PCYT2: variants seen among roughly 807,000 people sequenced by gnomAD.
PCYT2 encodes the protein phosphate cytidylyltransferase 2, ethanolamine.
In PCYT2, 33 loss-of-function variants were observed where a neutral mutation model predicts 50.0. That is an observed-to-expected ratio of 0.66 (90% CI 0.50 to 0.88). PCYT2 has a LOEUF of 0.88. Among genes scored for constraint, PCYT2 ranks in the 40% least tolerant of loss-of-function variants. The probability of loss-of-function intolerance (pLI) is 0.00; values close to 1 mark genes in which losing one functional copy is unlikely to be tolerated. For missense variants in PCYT2, 430 were observed against 519.7 expected, an observed-to-expected ratio of 0.83 and a Z score of 1.68; for synonymous variants, 240 against 203.7, an observed-to-expected ratio of 1.18 and a Z score of -1.52.
Position 81,907,575 on chromosome 17 carries a change from C to A in PCYT2, c.516G>T (p.Glu172Asp). The change falls in exon 6 of 13, where the codon GAG becomes GAT. Residue 172 changes from glutamate (E) to aspartate (D), a missense_variant. Glu to Asp is a conservative substitution (Grantham distance 45). This residue lies in a region of PCYT2 where 248 missense variants were observed against 300.2 expected (regional missense o/e 0.83). Coordinates refer to ENST00000538936, the MANE Select transcript of PCYT2 (RefSeq NM_002861.5). ...SSQEMSSEYR[E>D]YADSFGKCPG... is the part of the protein sequence containing the mutation. The stretch of plus-strand genomic sequence containing the variant: ...TCACCTTGCCAAAACTGTCTGCATA[C>A]TCCCGGTACTCAGAGGACATCTCCT... The A allele has an allele frequency of 6.2e-7, 1 of 1,611,726 alleles. No individual in the cohort carries two copies. The highest frequency in any genetic ancestry group is 8.5e-7 in the Non-Finnish European group (1 of 1,179,374).
At chr17:81,909,671 G>A (rs1314123643) in intron 1 of PCYT2, 69 bp from the exon 2 acceptor site, 9 of 1,233,376 alleles carry the variant, frequency 7.3e-6, no homozygotes, top group East Asian at 2.3e-5. Flanking sequence ...GTGGGTTAGG[G>A]GCAGAGCTTT....
chr17:81,909,240 C>T, intron 2 of PCYT2: 1 of 1,430,776 alleles, frequency 7.0e-7, no homozygotes, highest in Non-Finnish European at 9.1e-7. Flanking sequence ...GCAGAGATTC[C>T]TTCTGACGAG....
intron 8 of PCYT2, 116 bp from the exon 9 acceptor site, chr17:81,906,293 G>T (rs1000902835): frequency 8.9e-7 from 1 of 1,117,508 alleles, no homozygotes; most frequent in Non-Finnish European, 1.3e-6. Flanking sequence ...TTGTGGGGAT[G>T]CCCCAGACAG....
In PCYT2 at chr17:81,902,186, C is replaced by T; in HGVS notation, c.*2647G>A. On this transcript the variant is annotated 3_prime_UTR_variant, in exon 13 of 13. Transcript: ENST00000538936. ...CGCCGCCCCTCCCGGCCCTCCGCAG[C>T]CTCGGCCCGCCCTCGCCGCAGATAT... is the stretch of plus-strand genomic sequence containing the variant. 1.7e-6 allele frequency: 2 copies of T among 1,155,442 alleles called. No homozygotes were observed. The highest frequency in any genetic ancestry group is 2.2e-6 in the Non-Finnish European group (2 of 928,688). The allele number at this position is 1,155,442 out of a possible 1,614,324, so 71.6% of individuals were successfully genotyped here.
rs1331745770 is a variant in PCYT2 at position 81,911,310 on chromosome 17, C to T, written c.46G>A (p.Gly16Ser). 8.8e-7 allele frequency: 1 copy of T among 1,137,030 alleles called. No individual in the cohort carries two copies. Among genetic ancestry groups the T allele is most frequent in the Admixed American group, 3.5e-5 (1 of 28,776 alleles). 70.4% of individuals were successfully genotyped at this position (1,137,030 alleles called of 1,614,324 possible). A position where few individuals can be genotyped will look rare whatever the true frequency, so the allele number is the denominator to read the frequency against. Residue 16 changes from glycine to serine, a missense_variant, in exon 1 of 13, where the codon GGC (glycine) becomes AGC (serine). Coordinates refer to ENST00000538936, the MANE Select transcript of PCYT2 (RefSeq NM_002861.5). ...CTCACGGCGCGCCTGCCCCCCGGGCCCGGCTGCTCTGCGCCGCCTGCAGCC... is the reference window on the plus strand; with the variant it reads ...CTCACGGCGCGCCTGCCCCCCGGGCTCGGCTGCTCTGCGCCGCCTGCAGCC... ...RGAAGGAEQP[G>S]PGGRRAVRVW...
intron 2 of PCYT2, chr17:81,909,244 T>C (rs1444730722): frequency 7.0e-7 from 1 of 1,430,304 alleles, no homozygotes; most frequent in Non-Finnish European, 9.1e-7. Flanking sequence ...AGATTCCTTC[T>C]GACGAGCAGG....
chr17:81,910,442 G>A (rs1210008557), intron 1 of PCYT2, among the ~76,000 whole-genome samples: 2 of 152,202 alleles, frequency 1.3e-5, no homozygotes, highest in African/African-American at 2.4e-5. Context: ...GCGGAGCCCG[G>A]CAGACATGCT....
At chr17:81,908,465 C>G in intron 4 of PCYT2, 103 bp downstream of exon 4, 1 of 845,980 alleles carries the variant, frequency 1.2e-6, no homozygotes, top group Non-Finnish European at 1.9e-6. Context: ...GGCCCAGGGC[C>G]TGGACGCTCC....
rs1341861900 is a variant in PCYT2 at position 81,904,646 on chromosome 17, G to A, written c.*187C>T. 3.4e-6 allele frequency: 2 copies of A among 585,110 alleles called. No homozygotes were observed. Among genetic ancestry groups the A allele is most frequent in the Non-Finnish European group, 6.1e-6 (2 of 329,478 alleles). The allele number at this position is 585,110 out of a possible 1,614,324, so 36.2% of individuals were successfully genotyped here. A position where few individuals can be genotyped will look rare whatever the true frequency, so the allele number is the denominator to read the frequency against. Reference sequence around the variant, plus strand: ...CTGTGCTGGACACCCTCTCTGAGCAGCTTTGCTGGAAAGAGCGGAGAGCCT... The same window carrying A: ...CTGTGCTGGACACCCTCTCTGAGCAACTTTGCTGGAAAGAGCGGAGAGCCT... On this transcript the variant is annotated 3_prime_UTR_variant, in exon 13 of 13. Coordinates refer to ENST00000538936, the MANE Select transcript of PCYT2 (RefSeq NM_002861.5).
Position 81,904,587 on chromosome 17 carries a change from G to A in PCYT2, c.*246C>T, listed in dbSNP as rs1466224509. The A allele has an allele frequency of 8.0e-6, 4 of 498,132 alleles. No individual in the cohort carries two copies. Among genetic ancestry groups the A allele is most frequent in the Non-Finnish European group, 1.4e-5 (4 of 280,220 alleles). 30.9% of individuals were successfully genotyped at this position (498,132 alleles called of 1,614,324 possible). A position where few individuals can be genotyped will look rare whatever the true frequency, so the allele number is the denominator to read the frequency against. On this transcript the variant is annotated 3_prime_UTR_variant, in exon 13 of 13. Transcript: ENST00000538936. ...AGGAGCGGTGCGTTTCAGGCTGCAG[G>A]TGCCGTCTGCCCGTCTCACTTCCGG...
chr17:81,906,901 G>A lies in PCYT2; in HGVS notation c.538-3C>T. On this transcript the variant is annotated splice_polypyrimidine_tract_variant and splice_region_variant and intron_variant, in intron 6 of 12. Transcript: ENST00000538936. The stretch of plus-strand genomic sequence containing the variant: ...CAGGGGTTCCGCCCACCAGGGCACT[G>A]CAAGCCAAGAGAGGGAGCAGGTTGG... 1.2e-6 allele frequency: 2 copies of A among 1,612,296 alleles called. No individual in the cohort carries two copies. The highest frequency in any genetic ancestry group is 1.7e-6 in the Non-Finnish European group (2 of 1,179,502).
At chr17:81,910,695 G>T (rs1444298483) in intron 1 of PCYT2, among the ~76,000 whole-genome samples, 5 of 152,244 alleles carry the variant, frequency 3.3e-5, no homozygotes, top group African/African-American at 1.2e-4. Flanking sequence ...GATTCCATCC[G>T]GCAGGCACGT....
Position 81,909,581 on chromosome 17 carries a change from G to A in PCYT2, c.111C>T (p.Gly37=). Residue 37 remains glycine, a synonymous_variant, in exon 2 of 13, where the codon GGC becomes GGT. Transcript: ENST00000538936. ...CDGCYDMVHY[G]HSNQLRQARA... ...GTGCCTGGCGCAGCTGGTTGGAGTG[G>A]CCGTAATGCACCATGTCATAGCTGT... 1 of 1,613,658 alleles carries A rather than the reference G, an allele frequency of 6.2e-7. No homozygotes were observed. The highest frequency in any genetic ancestry group is 8.5e-7 in the Non-Finnish European group (1 of 1,179,692).
At position 81,908,991 on chromosome 17, in the gene PCYT2, C is replaced by T; in HGVS notation, c.225G>A (p.Glu75=). The change falls in exon 3 of 13, where the codon GAG becomes GAA. Residue 75 remains glutamate, a synonymous_variant. Transcript: ENST00000538936. Reference sequence around the variant, plus strand: ...TGATGGCCTGCACCATCTTGTATCTCTCCTCCTGAGTGAACACCGGGGGCC... The same window carrying T: ...TGATGGCCTGCACCATCTTGTATCTTTCCTCCTGAGTGAACACCGGGGGCC... ...HKGPPVFTQE[E]RYKMVQAIKW... The T allele has an allele frequency of 1.2e-6, 2 of 1,614,050 alleles. No homozygotes were observed. The highest frequency in any genetic ancestry group is 1.3e-5 in the African/African-American group (1 of 75,066).
intron 2 of PCYT2, 188 bp from the exon 3 acceptor site, chr17:81,909,225 C>T: frequency 7.0e-7 from 1 of 1,432,838 alleles, no homozygotes; most frequent in Non-Finnish European, 9.1e-7. Flanking sequence ...GGGTCTCAGG[C>T]AAAGGCAGAG....
intron 10 of PCYT2, 81 bp from the exon 11 acceptor site, chr17:81,905,528 GT>G: frequency 6.8e-7 from 1 of 1,466,602 alleles, no homozygotes; most frequent in African/African-American, 1.4e-5. Flanking sequence ...GGCCCCGGGG[GT>G]TGGGAGAGCT....
At position 81,904,661 on chromosome 17, in the gene PCYT2, G is replaced by T; in HGVS notation, c.*172C>A. On this transcript the variant is annotated 3_prime_UTR_variant, in exon 13 of 13. Transcript: ENST00000538936. ...TCTCTGAGCAGCTTTGCTGGAAAGAGCGGAGAGCCTGCTGCAAACCAGGCA... is the reference window on the plus strand; with the variant it reads ...TCTCTGAGCAGCTTTGCTGGAAAGATCGGAGAGCCTGCTGCAAACCAGGCA... 1.7e-6 allele frequency: 1 copy of T among 592,758 alleles called. No individual in the cohort carries two copies. Among genetic ancestry groups the T allele is most frequent in the East Asian group, 2.8e-5 (1 of 36,094 alleles). 36.7% of individuals were successfully genotyped at this position (592,758 alleles called of 1,614,324 possible). A position where few individuals can be genotyped will look rare whatever the true frequency, so the allele number is the denominator to read the frequency against.
At position 81,907,918 on chromosome 17, in the gene PCYT2, C is replaced by T. The variant is rs2040367510; in HGVS notation, c.408-61G>A. On this transcript the variant is annotated intron_variant, in intron 4 of 12. Coordinates refer to ENST00000538936, the MANE Select transcript of PCYT2 (RefSeq NM_002861.5). ...GACACTCGCAAGGCTCTGCCTCCTG[C>T]TACCACCACTAGGGACACTAGCAGC... is the stretch of plus-strand genomic sequence containing the variant. 3.7e-6 allele frequency: 5 copies of T among 1,366,976 alleles called. No homozygotes were observed. The South Asian group carries it at 5.2e-5, about 14-fold the overall frequency. 84.7% of individuals were successfully genotyped at this position (1,366,976 alleles called of 1,614,324 possible).
At position 81,901,055 on chromosome 17, in the gene PCYT2, G is replaced by A. The variant is rs1273155539; in HGVS notation, c.*3778C>T. 1 of 152,252 alleles carries A rather than the reference G, an allele frequency of 6.6e-6. No homozygotes were observed. Among genetic ancestry groups the A allele is most frequent in the Non-Finnish European group, 1.5e-5 (1 of 68,048 alleles). The allele number at this position is 152,252 out of a possible 1,614,324, so 9.4% of individuals were successfully genotyped here. On this transcript the variant is annotated 3_prime_UTR_variant, in exon 13 of 13. Transcript: ENST00000538936. ...CATGTGCAAGGTGAGGAGCAAGGAA[G>A]CCAGTCTGAGTCCCAAAACAAAAGT... is the stretch of plus-strand genomic sequence containing the variant.
Sources: allele counts gnomAD v4.1 joint callset (sites outside exome capture counted in the v4.1 genomes callset), GRCh38; gene constraint gnomAD v4.1.1; regional missense constraint gnomAD v4.1.1; transcripts MANE v1.5; gene names NCBI Gene and HGNC (gene_info 2026-07-23, HGNC 2026-07-21).